SLC44A3: variants seen among roughly 807,000 people sequenced by gnomAD.
SLC44A3 encodes solute carrier family 44 member 3.
In SLC44A3, 74 loss-of-function variants were observed where a neutral mutation model predicts 75.4. The ratio of observed to expected loss-of-function variants is 0.98; its 90% CI spans 0.81 to 1.19. SLC44A3 has a LOEUF of 1.19. SLC44A3 is among the 50% of genes most tolerant of loss of function. The pLI is 0.00. For missense variants in SLC44A3, 700 were observed against 778.6 expected, an observed-to-expected ratio of 0.90 and a Z score of 1.20; for synonymous variants, 310 against 296.9, an observed-to-expected ratio of 1.04 and a Z score of -0.45.
chr1:94,870,823 C>T (rs556813460), intron 12 of SLC44A3, among the ~76,000 whole-genome samples: 2 of 152,306 alleles, frequency 1.3e-5, no homozygotes, highest in South Asian at 4.1e-4. Flanking sequence ...GCTGGGACTA[C>T]AGGCACATGC....
intron 9 of SLC44A3, among the ~76,000 whole-genome samples, chr1:94,852,482 G>A (rs1399361566): frequency 6.6e-6 from 1 of 152,182 alleles, no homozygotes; most frequent in Non-Finnish European, 1.5e-5. Context: ...CCTATTCAGC[G>A]AGAGTGGAGT....
chr1:94,835,544 ACT>A (rs1360870713), intron 5 of SLC44A3, among the ~76,000 whole-genome samples: 2 of 152,024 alleles, frequency 1.3e-5, no homozygotes, highest in Non-Finnish European at 2.9e-5. Flanking sequence ...TTTTTTTGTA[ACT>A]CTAAAATTAT....
At chr1:94,892,584 C>A in intron 14 of SLC44A3, 67 bp downstream of exon 14, 2 of 1,478,596 alleles carry the variant, frequency 1.4e-6, no homozygotes, top group South Asian at 2.4e-5. Context: ...TGTAAAGCTG[C>A]ACACACGAAA....
intron 12 of SLC44A3, among the ~76,000 whole-genome samples, chr1:94,874,478 T>C (rs1668072152): frequency 6.6e-6 from 1 of 152,248 alleles, no homozygotes; most frequent in Non-Finnish European, 1.5e-5. Flanking sequence ...CTGAAGTGCT[T>C]CCTGACATGA....
In SLC44A3 at chr1:94,891,168, C is replaced by T. The variant is rs200744014; in HGVS notation, c.1521C>T (p.Phe507=). 4.4e-5 allele frequency: 71 copies of T among 1,613,174 alleles called. No individual in the cohort carries two copies. The East Asian group carries it at 1.6e-3, about 36-fold the overall frequency. ...YTTTAINGTD[F]CTSAKDAFKI... ...CAACTGCTATTAATGGGACAGATTT[C>T]TGTACATCAGCAAAAGATGCATTCA... Residue 507 remains phenylalanine, a synonymous_variant, in exon 13 of 15, where the codon TTC becomes TTT. Transcript: ENST00000271227.
At chr1:94,857,041 T>C (rs1451858686) in intron 9 of SLC44A3, among the ~76,000 whole-genome samples, 3 of 152,218 alleles carry the variant, frequency 2.0e-5, no homozygotes, top group African/African-American at 7.2e-5. Flanking sequence ...TACTTGCCTC[T>C]TCTAAACCTC....
intron 9 of SLC44A3, among the ~76,000 whole-genome samples, chr1:94,848,222 C>G (rs61772568): frequency 4.1e-5 from 4 of 96,808 alleles, no homozygotes; most frequent in African/African-American, 1.1e-4. Context: ...GAGTGAGACT[C>G]TGTCTCAAAA....
chr1:94,867,525 A>C, intron 12 of SLC44A3, 108 bp downstream of exon 12: 2 of 753,920 alleles, frequency 2.7e-6, no homozygotes, highest in African/African-American at 1.8e-5. Flanking sequence ...AAATTGTGTA[A>C]ACATTTTAGG....
At chr1:94,843,880 G>C (rs74101569) in intron 8 of SLC44A3, among the ~76,000 whole-genome samples, 1 of 151,662 alleles carries the variant, frequency 6.6e-6, no homozygotes, top group African/African-American at 2.4e-5. Flanking sequence ...GGGCGGGGTG[G>C]GGGGGGTGGT....
intron 5 of SLC44A3, among the ~76,000 whole-genome samples, chr1:94,831,402 G>A (rs774148594): frequency 1.3e-5 from 2 of 152,136 alleles, no homozygotes; most frequent in African/African-American, 4.8e-5. Flanking sequence ...ACATGAGAAG[G>A]GTGGCTATAG....
chr1:94,860,173 A>T (rs1163992215), intron 10 of SLC44A3, among the ~76,000 whole-genome samples: 1 of 152,232 alleles, frequency 6.6e-6, no homozygotes, highest in Non-Finnish European at 1.5e-5. Flanking sequence ...AGCAAACTAT[A>T]ATATTATCAG....
At chr1:94,892,184 GCA>G (rs1329862488) in intron 13 of SLC44A3, 95 bp from the exon 14 acceptor site, 7 of 1,093,046 alleles carry the variant, frequency 6.4e-6, no homozygotes, top group South Asian at 3.0e-5. Flanking sequence ...CACACACGTT[GCA>G]CACAGGAACG....
At chr1:94,826,998 T>C (rs547973744) in intron 3 of SLC44A3, among the ~76,000 whole-genome samples, 27 of 151,976 alleles carry the variant, frequency 1.8e-4, no homozygotes, top group Non-Finnish European at 3.2e-4. Context: ...TGCAGGAGGG[T>C]TCTCCTGAGT....
chr1:94,835,669 C>CT (rs2101010488), intron 5 of SLC44A3, among the ~76,000 whole-genome samples: 1 of 152,264 alleles, frequency 6.6e-6, no homozygotes. Flanking sequence ...TCTCCCACCT[C>CT]TTTTTTGGCA....
chr1:94,891,210 C>G lies in SLC44A3; in HGVS notation c.1563C>G (p.Asn521Lys). The change falls in exon 13 of 15, where the codon AAC (asparagine) becomes AAG (lysine). Residue 521 changes from asparagine to lysine, a missense_variant. Asn to Lys is a moderately conservative substitution (Grantham distance 94, BLOSUM62 0). Transcript: ENST00000271227. ...AKDAFKILSK[N>K]SSHFTSINCF... ...ATGCATTCAAAATCTTGTCCAAGAACTCAAGTCACTTTACATCTATTAACT... is the reference window on the plus strand; with the variant it reads ...ATGCATTCAAAATCTTGTCCAAGAAGTCAAGTCACTTTACATCTATTAACT... 6.2e-7 allele frequency: 1 copy of G among 1,613,644 alleles called. No homozygotes were observed. The highest frequency in any genetic ancestry group is 8.5e-7 in the Non-Finnish European group (1 of 1,179,778).
intron 12 of SLC44A3, among the ~76,000 whole-genome samples, chr1:94,887,593 A>T (rs1669724196): frequency 6.6e-6 from 1 of 152,228 alleles, no homozygotes; most frequent in Non-Finnish European, 1.5e-5. Flanking sequence ...CAAAGAGCGA[A>T]ATCTGTTTTT....
intron 12 of SLC44A3, among the ~76,000 whole-genome samples, chr1:94,874,840 G>A (rs1262181943): frequency 6.6e-6 from 1 of 152,210 alleles, no homozygotes; most frequent in African/African-American, 2.4e-5. Context: ...GAAAGTAGCA[G>A]AGCTGACTCT....
intron 5 of SLC44A3, among the ~76,000 whole-genome samples, chr1:94,831,944 C>G (rs570707951): frequency 6.6e-6 from 1 of 152,232 alleles, no homozygotes; most frequent in African/African-American, 2.4e-5. Context: ...AAGGGCGAGG[C>G]GGGCAGATCA....
Position 94,824,586 on chromosome 1 carries a change from T to C in SLC44A3, c.229T>C (p.Ser77Pro), listed in dbSNP as rs1286957074. 1 of 1,609,964 alleles carries C rather than the reference T, an allele frequency of 6.2e-7. No individual in the cohort carries two copies. The highest frequency in any genetic ancestry group is 8.5e-7 in the Non-Finnish European group (1 of 1,178,810). The change falls in exon 3 of 15, where the codon TCC becomes CCC. Residue 77 changes from serine to proline, a missense_variant. Transcript: ENST00000271227. ...TGGCAACATGTGTGGCAAGAAGAACTCCCCCGTGGAAGGGGCCCCTCTTTC... is the reference window on the plus strand; with the variant it reads ...TGGCAACATGTGTGGCAAGAAGAACCCCCCCGTGGAAGGGGCCCCTCTTTC... ...SFGNMCGKKNSPVEGAPLSGQ... is the reference protein window; with the variant it reads ...SFGNMCGKKNPPVEGAPLSGQ...
Sources: gnomAD v4.1 joint callset for allele counts (sites outside exome capture counted in the v4.1 genomes callset) on GRCh38, gnomAD v4.1.1 for gene constraint, MANE v1.5 for transcripts, NCBI Gene and HGNC (gene_info 2026-07-23, HGNC 2026-07-21) for gene names.